KATNAL1: variants seen among roughly 807,000 people sequenced by gnomAD.
KATNAL1 encodes the protein katanin catalytic subunit A1 like 1, also known as katanin p60 ATPase-containing subunit A-like 1.
Under a neutral mutation model 55.2 loss-of-function variants are expected in KATNAL1, and 32 were observed. The observed-to-expected ratio is 0.58, with a 90% CI of 0.44 to 0.78. KATNAL1 has a LOEUF of 0.78. Ranked by LOEUF, KATNAL1 falls within the 30% of genes least tolerant of loss-of-function variation. The pLI, the probability that KATNAL1 is intolerant of heterozygous loss-of-function variation, is 0.00. For missense variants in KATNAL1, 466 were observed against 600.9 expected (o/e 0.78, Z 2.35); for synonymous variants, 193 against 193.6 (o/e 1.00, Z 0.02).
At chr13:30,270,432 T>G (rs1880236806) in intron 3 of KATNAL1, among the ~76,000 whole-genome samples, 2 of 152,138 alleles carry the variant, frequency 1.3e-5, no homozygotes, top group South Asian at 4.2e-4. Context: ...ACCCAACAGC[T>G]CATTGAGAAC....
chr13:30,232,709 C>T (rs947355212), intron 6 of KATNAL1, among the ~76,000 whole-genome samples: 2 of 152,226 alleles, frequency 1.3e-5, no homozygotes, highest in Non-Finnish European at 2.9e-5. Flanking sequence ...AGCTACTGTA[C>T]GATATTTATA....
chr13:30,282,640 TAAAA>T (rs1193595169), intron 2 of KATNAL1, among the ~76,000 whole-genome samples: 6 of 130,138 alleles, frequency 4.6e-5, no homozygotes, highest in African/African-American at 1.7e-4. Context: ...CCTGTCTCTT[TAAAA>T]AAAAAAAAAA....
chr13:30,293,811 C>G (rs1342139218), intron 1 of KATNAL1, among the ~76,000 whole-genome samples: 1 of 152,210 alleles, frequency 6.6e-6, no homozygotes, highest in Admixed American at 6.5e-5. Flanking sequence ...TTCATGGCAA[C>G]TGTGCATCCA....
At chr13:30,212,850 C>T (rs945622593) in intron 9 of KATNAL1, among the ~76,000 whole-genome samples, 3 of 152,112 alleles carry the variant, frequency 2.0e-5, no homozygotes, top group East Asian at 3.8e-4. Context: ...AACTCCTAAC[C>T]CCCAGTACTT....
rs567907417 is a variant in KATNAL1, at chr13:30,269,900, G to A, written c.323+10163C>T. Among the ~76,000 whole-genome samples the A allele has an allele frequency of 5.9e-3, 892 of 151,868 alleles. 9 individuals carry two copies. Among genetic ancestry groups the A allele is most frequent in the African/African-American group, 0.02 (834 of 41,438 alleles). ...CGGCAGCCACCCCGTCCAGGAGGGG[G>A]GGGTCAGCCCCCTGCCCGGCCAGCC... On this transcript the variant is annotated intron_variant, in intron 3 of 10. Coordinates refer to ENST00000380615, the MANE Select transcript of KATNAL1 (RefSeq NM_032116.5).
intron 9 of KATNAL1, among the ~76,000 whole-genome samples, chr13:30,221,579 A>G (rs1189485869): frequency 6.6e-6 from 1 of 152,260 alleles, no homozygotes; most frequent in Admixed American, 6.5e-5. Flanking sequence ...TAGATTATCC[A>G]TTTCTGAATA....
intron 10 of KATNAL1, 71 bp from the exon 11 acceptor site, chr13:30,208,809 T>C: frequency 1.9e-6 from 2 of 1,050,082 alleles, no homozygotes; most frequent in South Asian, 1.8e-5. Flanking sequence ...TGTAACAAAG[T>C]TATGAAAAAA....
intron 2 of KATNAL1, among the ~76,000 whole-genome samples, chr13:30,281,518 C>G (rs1593941487): frequency 6.6e-6 from 1 of 152,068 alleles, no homozygotes; most frequent in African/African-American, 2.4e-5. Flanking sequence ...TAGAAGAAAA[C>G]AACTAAAAAT....
chr13:30,228,881 T>C (rs192066430), intron 8 of KATNAL1, among the ~76,000 whole-genome samples: 46 of 152,250 alleles, frequency 3.0e-4, no homozygotes, highest in African/African-American at 1.1e-3. Flanking sequence ...GCCTCCTGAG[T>C]AGCTGGGACT....
chr13:30,270,102 C>A (rs1399321535), intron 3 of KATNAL1, among the ~76,000 whole-genome samples: 1 of 135,680 alleles, frequency 7.4e-6, no homozygotes, highest in Non-Finnish European at 1.7e-5. Flanking sequence ...CCCGGCCAGC[C>A]GCCCCGTCCG....
chr13:30,255,589 T>C lies in KATNAL1; in HGVS notation c.350A>G (p.Asn117Ser), dbSNP rs200596854. ...TTTCCTCAGAGGTCTTACTTCTCGATTGGGACGCCTGATCTGAGGTGGAGC... is the reference window on the plus strand; with the variant it reads ...TTTCCTCAGAGGTCTTACTTCTCGACTGGGACGCCTGATCTGAGGTGGAGC... ...HRAPPQIRRP[N>S]REVRPLRKEM... Residue 117 changes from asparagine to serine, a missense_variant, in exon 4 of 11, where the codon AAT becomes AGT. Transcript: ENST00000380615. 8.3e-5 allele frequency: 127 copies of C among 1,539,370 alleles called. No individual in the cohort carries two copies. The African/African-American group carries it at 8.9e-4, about 11-fold the overall frequency.
intron 3 of KATNAL1, among the ~76,000 whole-genome samples, chr13:30,274,058 G>T (rs531825739): frequency 6.6e-6 from 1 of 152,168 alleles, no homozygotes; most frequent in Non-Finnish European, 1.5e-5. Flanking sequence ...TAGGCATCCA[G>T]AGGCCAGCAT....
rs531441020 is a variant in KATNAL1, at chr13:30,240,482, T to C, written c.704A>G (p.Lys235Arg). The C allele has an allele frequency of 5.1e-5, 83 of 1,613,216 alleles. 1 individual carries two copies. The Middle Eastern group carries it at 3.1e-3, about 61-fold the overall frequency. The change falls in exon 6 of 11, where the codon AAA (lysine) becomes AGA (arginine). Residue 235 changes from lysine (K) to arginine (R), a missense_variant. Lys to Arg is a conservative substitution (Grantham distance 26). This residue lies in a region of KATNAL1 where 5 missense variants were observed against 16.7 expected (regional missense o/e 0.30). Transcript: ENST00000380615. The part of the protein sequence containing the change: ...VLPMWMPDFF[K>R]GIRRPWKGVL... ...CACCTTCCATGGCCTTCTAATCCCTTTGAAAAAGTCAGGCATCCACATTGG... is the reference window on the plus strand; with the variant it reads ...CACCTTCCATGGCCTTCTAATCCCTCTGAAAAAGTCAGGCATCCACATTGG...
At chr13:30,241,576 C>A (rs747285473) in intron 4 of KATNAL1, among the ~76,000 whole-genome samples, 1 of 152,152 alleles carries the variant, frequency 6.6e-6, no homozygotes, top group African/African-American at 2.4e-5. Flanking sequence ...ACAGCTTTGA[C>A]GAGCTTTAAA....
At chr13:30,257,832 T>G (rs1469038973) in intron 3 of KATNAL1, among the ~76,000 whole-genome samples, 2 of 152,208 alleles carry the variant, frequency 1.3e-5, no homozygotes, top group African/African-American at 4.8e-5. Context: ...TCATAGGAAG[T>G]GTGCCTCTGC....
At chr13:30,227,265 T>C in intron 9 of KATNAL1, 147 bp downstream of exon 9, 1 of 582,014 alleles carries the variant, frequency 1.7e-6, no homozygotes, top group Non-Finnish European at 2.9e-6. Context: ...TTCAATAGAG[T>C]ACTGTGGCCT....
chr13:30,278,649 T>C (rs543757183), intron 3 of KATNAL1, among the ~76,000 whole-genome samples: 6 of 152,370 alleles, frequency 3.9e-5, no homozygotes, highest in African/African-American at 1.4e-4. Flanking sequence ...AGTCCTATAT[T>C]TGAAGTTATT....
At chr13:30,240,208 A>C (rs1043013491) in intron 6 of KATNAL1, among the ~76,000 whole-genome samples, 6 of 152,170 alleles carry the variant, frequency 3.9e-5, no homozygotes, top group African/African-American at 1.4e-4. Flanking sequence ...TCTTAAAACT[A>C]ATCTCTAGCT....
At chr13:30,223,874 A>G (rs1016694262) in intron 9 of KATNAL1, among the ~76,000 whole-genome samples, 3 of 152,248 alleles carry the variant, frequency 2.0e-5, no homozygotes, top group African/African-American at 7.2e-5. Flanking sequence ...TCTAGCTGAC[A>G]TTTATAGAAT....
Sources: gnomAD v4.1 joint callset for allele counts (sites outside exome capture counted in the v4.1 genomes callset) on GRCh38, gnomAD v4.1.1 for gene constraint, gnomAD v4.1.1 regional missense constraint, MANE v1.5 for transcripts, NCBI Gene and HGNC (gene_info 2026-07-23, HGNC 2026-07-21) for gene names.